The following GOLGA1 variants were observed in gnomAD, a reference collection of about 807,000 sequenced individuals.
The protein encoded by GOLGA1 is golgin A1, also known as golgin subfamily A member 1.
GOLGA1 carries 63 observed loss-of-function variants against 119.7 expected under a neutral mutation model. That is an observed-to-expected ratio of 0.53 (90% confidence interval 0.43 to 0.65). GOLGA1 has a LOEUF of 0.65. Ranked by LOEUF, GOLGA1 falls within the 30% of genes least tolerant of loss-of-function variation. GOLGA1 has a pLI of 0.00. For missense variants in GOLGA1, 798 were observed against 912.8 expected (o/e 0.87, Z 1.62); for synonymous variants, 318 against 333.4 (o/e 0.95, Z 0.50).
chr9:124,902,069 C>T (rs1033310814), intron 12 of GOLGA1, among the ~76,000 whole-genome samples: 1 of 152,200 alleles, frequency 6.6e-6, no homozygotes, highest in African/African-American at 2.4e-5. Flanking sequence ...CTTAGAAAGC[C>T]TTCTTATTTA....
chr9:124,915,869 C>T (rs1038487376), intron 10 of GOLGA1, among the ~76,000 whole-genome samples: 2 of 151,658 alleles, frequency 1.3e-5, no homozygotes, highest in African/African-American at 4.8e-5. Flanking sequence ...TTTGGGAGTC[C>T]GAGGCAGGCA....
At chr9:124,917,922 G>A (rs530307956) in intron 10 of GOLGA1, among the ~76,000 whole-genome samples, 7 of 151,814 alleles carry the variant, frequency 4.6e-5, no homozygotes, top group African/African-American at 7.2e-5. Flanking sequence ...GTGCAATCTC[G>A]GCTCACTGCA....
At chr9:124,900,785 T>C (rs542685344) in intron 12 of GOLGA1, among the ~76,000 whole-genome samples, 1 of 152,322 alleles carries the variant, frequency 6.6e-6, no homozygotes, top group Admixed American at 6.5e-5. Context: ...TAGGACAATG[T>C]AAAACTTTGT....
intron 5 of GOLGA1, among the ~76,000 whole-genome samples, chr9:124,928,807 C>A (rs890900660): frequency 6.6e-6 from 1 of 152,100 alleles, no homozygotes; most frequent in Non-Finnish European, 1.5e-5. Context: ...GTAGACTACA[C>A]AAAATGTATG....
At chr9:124,936,609 TA>T (rs763476641) in intron 3 of GOLGA1, among the ~76,000 whole-genome samples, 477 of 126,928 alleles carry the variant, frequency 3.8e-3, no homozygotes, top group Admixed American at 4.3e-3. Flanking sequence ...CCAGGCAAAT[TA>T]AAAAAAAAAA....
rs146857170 is a variant in GOLGA1 at position 124,927,348 on chromosome 9, G to T, written c.400-607C>A. On this transcript the variant is annotated intron_variant, in intron 6 of 22. Transcript: ENST00000373555. ...GCAATATCCTGATTGCCTATAATCA[G>T]AATCCATCAATTTTAGATTATTTCT... Among the ~76,000 whole-genome samples the T allele has an allele frequency of 3.2e-4, 48 of 152,132 alleles. No individual in the cohort carries two copies. The East Asian group carries it at 8.9e-3, about 28-fold the overall frequency.
intron 12 of GOLGA1, among the ~76,000 whole-genome samples, chr9:124,903,304 A>G (rs2131421763): frequency 1.3e-5 from 2 of 152,272 alleles, no homozygotes; most frequent in Middle Eastern, 3.4e-3. Context: ...CCTGGCCAAC[A>G]TGGCAAAACC....
At chr9:124,897,042 T>C (rs775473224) in intron 15 of GOLGA1, among the ~76,000 whole-genome samples, 1 of 152,222 alleles carries the variant, frequency 6.6e-6, no homozygotes, top group Non-Finnish European at 1.5e-5. Context: ...CACTGGCCTC[T>C]GTGCTATTCT....
At chr9:124,903,651 C>CAAAAA (rs11435294) in intron 12 of GOLGA1, among the ~76,000 whole-genome samples, 13 of 91,252 alleles carry the variant, frequency 1.4e-4, no homozygotes, top group East Asian at 3.4e-4. Flanking sequence ...AGAAAAAGAC[C>CAAAAA]AAAAAAAAAA....
chr9:124,943,675 C>T (rs909779805), upstream of GOLGA1: 5 of 152,112 alleles, frequency 3.3e-5, no homozygotes, highest in Non-Finnish European at 7.4e-5. Flanking sequence ...TGCATTTCTG[C>T]CTAATAATCA....
intron 3 of GOLGA1, among the ~76,000 whole-genome samples, chr9:124,936,147 G>A (rs986715008): frequency 7.1e-4 from 108 of 152,202 alleles, no homozygotes; most frequent in African/African-American, 2.6e-3. Flanking sequence ...CAGCATGAAG[G>A]CAAAACAGGT....
At chr9:124,914,857 A>C (rs1020515760) in intron 10 of GOLGA1, among the ~76,000 whole-genome samples, 1 of 152,234 alleles carries the variant, frequency 6.6e-6, no homozygotes, top group African/African-American at 2.4e-5. Flanking sequence ...GTTAAAACCA[A>C]AACAACACAT....
At chr9:124,939,689 A>G (rs530721889) in intron 2 of GOLGA1, among the ~76,000 whole-genome samples, 1 of 150,122 alleles carries the variant, frequency 6.7e-6, no homozygotes, top group South Asian at 2.1e-4. Flanking sequence ...CAGCCTCCCG[A>G]GTAGCTGGGA....
At chr9:124,924,636 C>CAAAAAAAAAAAAAAAAA (rs71374206) in intron 7 of GOLGA1, among the ~76,000 whole-genome samples, 1 of 108,698 alleles carries the variant, frequency 9.2e-6, no homozygotes, top group Non-Finnish European at 1.9e-5. Flanking sequence ...GACCCTGTCT[C>CAAAAAAAAAAAAAAAAA]AAAAAAAAAA....
chr9:124,889,555 C>G lies in GOLGA1; in HGVS notation c.1498-19G>C, dbSNP rs373880005. Reference sequence around the variant, plus strand: ...TAGCTGCCTTGGAGAGAAAAATCAACAAGAGGGAAGGTTGTGAGCAGTGAC... The same window carrying G: ...TAGCTGCCTTGGAGAGAAAAATCAAGAAGAGGGAAGGTTGTGAGCAGTGAC... On this transcript the variant is annotated intron_variant, in intron 16 of 22. Coordinates refer to ENST00000373555, the MANE Select transcript of GOLGA1 (RefSeq NM_002077.4). The G allele has an allele frequency of 6.6e-7, 1 of 1,511,062 alleles. No individual in the cohort carries two copies. The highest frequency in any genetic ancestry group is 1.1e-5 in the South Asian group (1 of 88,980). 93.6% of individuals were successfully genotyped at this position (1,511,062 alleles called of 1,614,324 possible).
At chr9:124,899,561 G>A (rs952537706) in intron 13 of GOLGA1, 83 bp from the exon 14 acceptor site, 3 of 1,346,012 alleles carry the variant, frequency 2.2e-6, no homozygotes, top group Non-Finnish European at 3.1e-6. Context: ...GTGAGAAGAT[G>A]AGTATCCAAC....
intron 3 of GOLGA1, among the ~76,000 whole-genome samples, chr9:124,933,027 A>AT (rs1830801008): frequency 6.6e-6 from 1 of 152,176 alleles, no homozygotes; most frequent in African/African-American, 2.4e-5. Context: ...CACTAGCAGT[A>AT]TAAGAAGCTG....
Position 124,881,867 on chromosome 9 carries a change from T to C in GOLGA1, c.2053A>G (p.Thr685Ala), listed in dbSNP as rs1829591913. 2 of 1,612,464 alleles carry C rather than the reference T, an allele frequency of 1.2e-6. No individual in the cohort carries two copies. The highest frequency in any genetic ancestry group is 1.7e-6 in the Non-Finnish European group (2 of 1,178,724). The change falls in exon 21 of 23, where the codon ACT (threonine) becomes GCT (alanine). Residue 685 changes from threonine (T) to alanine (A), a missense_variant. Coordinates refer to ENST00000373555, the MANE Select transcript of GOLGA1 (RefSeq NM_002077.4). This position sits in a 1 kb window ranked among gnomAD's most constrained non-coding sequence, Gnocchi z 4.9. ...ANMAPSVTNN[T>A]DLTDAREINF... ...ATCTCGCGGGCATCTGTCAGGTCAG[T>C]GTTATTCGTGACGGAAGGCGCCATG...
rs144805268 is a variant in GOLGA1, at chr9:124,921,855, T to G, written c.599A>C (p.Gln200Pro). ...TTCTCTGGTTCGTGCCTCCAATTCT[T>G]GTTCCATTTTCCCTAGACTTTCTTC... is the stretch of plus-strand genomic sequence containing the variant. ...KKEESLGKMEQELEARTRELS... is the reference protein window; with the variant it reads ...KKEESLGKMEPELEARTRELS... Residue 200 changes from glutamine to proline, a missense_variant, in exon 9 of 23, where the codon CAA becomes CCA. Transcript: ENST00000373555. 1.2e-6 allele frequency: 2 copies of G among 1,613,748 alleles called. No individual in the cohort carries two copies. The highest frequency in any genetic ancestry group is 2.7e-5 in the African/African-American group (2 of 74,896).
Sources: allele counts gnomAD v4.1 joint callset (sites outside exome capture counted in the v4.1 genomes callset), GRCh38; gene constraint gnomAD v4.1.1; non-coding constraint Gnocchi (gnomAD v3.1); transcripts MANE v1.5; gene names NCBI Gene and HGNC (gene_info 2026-07-23, HGNC 2026-07-21).